The following PRKN variants were observed in gnomAD, a reference collection of about 807,000 sequenced individuals.
PRKN encodes the protein E3 ubiquitin-protein ligase parkin.
In PRKN, 56 loss-of-function variants were observed where a neutral mutation model predicts 59.5. The observed-to-expected ratio is 0.94, with a 90% CI of 0.76 to 1.18. The LOEUF is 1.18. Ranked by LOEUF, PRKN falls within the 50% of genes most tolerant of loss-of-function variation. The probability of loss-of-function intolerance (pLI) is 0.00; values close to 1 mark genes in which losing one functional copy is unlikely to be tolerated. For missense variants in PRKN, 657 were observed against 596.4 expected (o/e 1.10, Z -1.06); for synonymous variants, 250 against 222.1 (o/e 1.13, Z -1.12).
intron 1 of PRKN, among the ~76,000 whole-genome samples, chr6:162,514,400 G>A (rs945880571): frequency 2.0e-5 from 3 of 152,038 alleles, no homozygotes; most frequent in Non-Finnish European, 2.9e-5. Context: ...AAAGTGAGTC[G>A]CCCTGTATGA....
intron 9 of PRKN, among the ~76,000 whole-genome samples, chr6:161,519,001 C>T (rs774117065): frequency 5.9e-5 from 9 of 152,136 alleles, no homozygotes; most frequent in Admixed American, 1.3e-4. Context: ...ATAAACTCCT[C>T]GAGACTTCAG....
In PRKN at chr6:161,448,449, T is replaced by C. The variant is rs746523804; in HGVS notation, c.1084-61572A>G. ...TGTAATCAGGACTCACATATCCACA[T>C]CTTAGATTTAATGCTGATTTCGGGG... is the stretch of plus-strand genomic sequence containing the variant. On this transcript the variant is annotated intron_variant, in intron 9 of 11. Coordinates refer to ENST00000366898, the MANE Select transcript of PRKN (RefSeq NM_004562.3). This position sits in a 1 kb window ranked among gnomAD's most constrained non-coding sequence, Gnocchi z 5.1. Among the ~76,000 whole-genome samples the C allele has an allele frequency of 1.3e-5, 2 of 152,304 alleles. No homozygotes were observed. The highest frequency in any genetic ancestry group is 1.3e-4 in the Admixed American group (2 of 15,304).
intron 1 of PRKN, among the ~76,000 whole-genome samples, chr6:162,507,516 C>A (rs1583690071): frequency 6.6e-6 from 1 of 152,134 alleles, no homozygotes; most frequent in African/African-American, 2.4e-5. Flanking sequence ...GCCTCAAATT[C>A]TATTCAATGA....
chr6:161,643,808 T>G (rs1344882534), intron 7 of PRKN, among the ~76,000 whole-genome samples: 3 of 152,328 alleles, frequency 2.0e-5, no homozygotes, highest in Non-Finnish European at 2.9e-5. Context: ...TTAAAAAAAC[T>G]TTCATATTAG....
intron 6 of PRKN, among the ~76,000 whole-genome samples, chr6:161,801,427 A>G (rs1791072726): frequency 6.6e-6 from 1 of 152,234 alleles, no homozygotes; most frequent in African/African-American, 2.4e-5. Flanking sequence ...CCATGGAGAG[A>G]TGGCAATCAC....
At chr6:162,206,010 T>C (rs994558694) in intron 3 of PRKN, among the ~76,000 whole-genome samples, 1 of 152,090 alleles carries the variant, frequency 6.6e-6, no homozygotes, top group Non-Finnish European at 1.5e-5. Context: ...TGTGCTCATA[T>C]AAAAATAATG....
chr6:161,794,772 G>T (rs1185019526), intron 6 of PRKN, among the ~76,000 whole-genome samples: 2 of 152,228 alleles, frequency 1.3e-5, no homozygotes, highest in African/African-American at 4.8e-5. Context: ...GTTCAGCTGA[G>T]GCGCAACCTC....
chr6:162,636,745 G>A (rs1777728046), intron 1 of PRKN, among the ~76,000 whole-genome samples: 1 of 152,314 alleles, frequency 6.6e-6, no homozygotes, highest in South Asian at 2.1e-4. Flanking sequence ...AGAACTTTGG[G>A]AGGCGGAGGC....
At chr6:162,249,602 G>A (rs931978595) in intron 3 of PRKN, among the ~76,000 whole-genome samples, 1 of 152,022 alleles carries the variant, frequency 6.6e-6, no homozygotes, top group Admixed American at 6.6e-5. Context: ...ATTGTTTCCC[G>A]AGCTTTGAGA....
chr6:161,921,955 C>G (rs1174263768), intron 6 of PRKN, among the ~76,000 whole-genome samples: 1 of 152,152 alleles, frequency 6.6e-6, no homozygotes, highest in Non-Finnish European at 1.5e-5. Context: ...AGTGGATTCT[C>G]TGGGATGCTA....
At chr6:162,233,767 G>A (rs1487529349) in intron 3 of PRKN, among the ~76,000 whole-genome samples, 2 of 152,150 alleles carry the variant, frequency 1.3e-5, no homozygotes, top group Non-Finnish European at 2.9e-5. Flanking sequence ...AGGATTAGAT[G>A]AGGTCATCGC....
intron 4 of PRKN, among the ~76,000 whole-genome samples, chr6:162,126,256 A>T (rs1261794540): frequency 6.6e-6 from 1 of 152,204 alleles, no homozygotes; most frequent in Non-Finnish European, 1.5e-5. Flanking sequence ...CTAAACACAG[A>T]GTTCTGCATG....
In PRKN at chr6:162,361,404, G is replaced by GA. The variant is rs528774401; in HGVS notation, c.171+81905dup. ...CCAGGATTGGAAAGCTTGATAAGAT[G>GA]AAAAAAAAAGAGTGAGCTTTCTACT... On this transcript the variant is annotated intron_variant, in intron 2 of 11. Transcript: ENST00000366898. Among the ~76,000 whole-genome samples, 299 of 150,244 alleles carry GA rather than the reference G, an allele frequency of 2.0e-3. 1 individual carries two copies. The highest frequency in any genetic ancestry group is 3.7e-3 in the Non-Finnish European group (252 of 67,462).
At chr6:162,405,443 A>G (rs1788010160) in intron 2 of PRKN, among the ~76,000 whole-genome samples, 4 of 152,274 alleles carry the variant, frequency 2.6e-5, no homozygotes, top group African/African-American at 9.6e-5. Context: ...AGACTTCGAG[A>G]GAAGAATAAG....
At chr6:161,557,491 G>A (rs143084582) in intron 8 of PRKN, among the ~76,000 whole-genome samples, 162 of 152,166 alleles carry the variant, frequency 1.1e-3, no homozygotes, top group African/African-American at 3.9e-3. Context: ...GCTGGCTGTT[G>A]ACTGCATGTT....
chr6:162,426,452 C>T (rs1262009856), intron 2 of PRKN, among the ~76,000 whole-genome samples: 1 of 152,140 alleles, frequency 6.6e-6, no homozygotes, highest in Non-Finnish European at 1.5e-5. Flanking sequence ...TATTTAAAAA[C>T]TAATTTTCTT....
chr6:161,671,394 T>C (rs1366298321), intron 7 of PRKN, among the ~76,000 whole-genome samples: 2 of 152,176 alleles, frequency 1.3e-5, no homozygotes, highest in Admixed American at 1.3e-4. Flanking sequence ...ACCGGCTGCA[T>C]TGTCACCTTC....
intron 1 of PRKN, among the ~76,000 whole-genome samples, chr6:162,519,738 A>G (rs57483838): frequency 5.5e-4 from 84 of 152,304 alleles, no homozygotes; most frequent in African/African-American, 1.9e-3. Context: ...CTGATGCTTA[A>G]CCCATGACCA....
At position 161,977,541 on chromosome 6, in the gene PRKN, G is replaced by GTTT. The variant is rs1562433349; in HGVS notation, c.619-4125_619-4124insAAA. Among the ~76,000 whole-genome samples the GTTT allele has an allele frequency of 6.1e-4, 60 of 98,710 alleles. 1 individual carries two copies. Among genetic ancestry groups the GTTT allele is most frequent in the African/African-American group, 1.8e-3 (38 of 21,676 alleles). The allele number at this position is 98,710 out of a possible 152,430, so 64.8% of individuals were successfully genotyped here. A position where few individuals can be genotyped will look rare whatever the true frequency, so the allele number is the denominator to read the frequency against. On this transcript the variant is annotated intron_variant, in intron 5 of 11. Transcript: ENST00000366898. ...TATCTTCTCTACTTTCTGTTTTTTTGGTTTTTTTTTTTTTTTTTTTTTTTA... is the reference window on the plus strand; with the variant it reads ...TATCTTCTCTACTTTCTGTTTTTTTGTTTGTTTTTTTTTTTTTTTTTTTTTTTA...
Sources: allele counts gnomAD v4.1 joint callset (sites outside exome capture counted in the v4.1 genomes callset), GRCh38; gene constraint gnomAD v4.1.1; non-coding constraint Gnocchi (gnomAD v3.1); transcripts MANE v1.5; gene names NCBI Gene and HGNC (gene_info 2026-07-23, HGNC 2026-07-21).